SCGB2A2: variants seen among roughly 807,000 people sequenced by gnomAD.
The protein encoded by SCGB2A2 is mammaglobin-A.
Under a neutral mutation model 8.8 loss-of-function variants are expected in SCGB2A2, and 11 were observed. The ratio of observed to expected loss-of-function variants is 1.25; its 90% CI spans 0.79 to 2.07. The LOEUF is 2.07. Among genes scored for constraint, SCGB2A2 ranks in the 30% most tolerant of loss-of-function variants. SCGB2A2 has a pLI of 0.00. For synonymous variants in SCGB2A2, 42 were observed against 40.9 expected (o/e 1.03, Z -0.10); for missense variants, 113 against 109.9 (o/e 1.03, Z -0.13).
chr11:62,271,245 T>A, intron 2 of SCGB2A2, 177 bp downstream of exon 2: 2 of 1,494,264 alleles, frequency 1.3e-6, no homozygotes, highest in South Asian at 1.3e-5. Flanking sequence ...CCAGTGTCCC[T>A]GTGTTGTCAC....
chr11:62,270,572 AAAG>A (rs1444429277), intron 1 of SCGB2A2, among the ~76,000 whole-genome samples: 2 of 152,226 alleles, frequency 1.3e-5, no homozygotes, highest in Non-Finnish European at 2.9e-5. Context: ...ATTTTGAACC[AAAG>A]AAGACCAAAT....
At chr11:62,271,688 A>T (rs1003501337) in intron 2 of SCGB2A2, 2 of 987,016 alleles carry the variant, frequency 2.0e-6, no homozygotes, top group Non-Finnish European at 2.4e-6. Flanking sequence ...CTATAGACCA[A>T]TCTGCAGAGA....
Position 62,270,286 on chromosome 11 carries a change from G to C in SCGB2A2, c.55+15G>C. 1.2e-6 allele frequency: 2 copies of C among 1,612,834 alleles called. No individual in the cohort carries two copies. The highest frequency in any genetic ancestry group is 1.7e-6 in the Non-Finnish European group (2 of 1,179,154). On this transcript the variant is annotated intron_variant, in intron 1 of 2. Transcript: ENST00000227918. ...CTGCTACGCAGGTGAGTTCTGTGCA[G>C]GGAGGGCTGCCTCGGGGTTAGGGGT...
chr11:62,271,869 T>C (rs1945281703), intron 2 of SCGB2A2: 1 of 985,288 alleles, frequency 1.0e-6, no homozygotes, highest in Non-Finnish European at 1.2e-6. Flanking sequence ...TGAGAAACCT[T>C]GGACTATCCA....
intron 2 of SCGB2A2, chr11:62,271,321 A>G (rs1945277687): frequency 6.9e-7 from 1 of 1,443,156 alleles, no homozygotes; most frequent in Non-Finnish European, 9.0e-7. Context: ...AAAGGTCGGT[A>G]GAAGTCTTAC....
Position 62,272,350 on chromosome 11 carries a change from A to G in SCGB2A2, c.244-607A>G, listed in dbSNP as rs185334095. Among the ~76,000 whole-genome samples the G allele has an allele frequency of 2.2e-4, 33 of 152,276 alleles. 1 individual carries two copies. The highest frequency in any genetic ancestry group is 9.8e-4 in the Admixed American group (15 of 15,284). On this transcript the variant is annotated intron_variant, in intron 2 of 2. Transcript: ENST00000227918. ...TGGAGTTTCAGTTGTGCAAAACAGT[A>G]ATATTCTGGAGTTAGGTTGCACAAC...
chr11:62,272,399 G>A (rs562302099), intron 2 of SCGB2A2, among the ~76,000 whole-genome samples: 171 of 152,244 alleles, frequency 1.1e-3, no homozygotes, highest in African/African-American at 3.6e-3. Context: ...AGAACACTCC[G>A]AACTGTCCCC....
chr11:62,273,003 C>G lies in SCGB2A2; in HGVS notation c.*8C>G. ...CTTTGTGATTTATTTTAACTTTCTG[C>G]AAGACCTTTGGCTCACAGAACTGCA... is the stretch of plus-strand genomic sequence containing the variant. On this transcript the variant is annotated 3_prime_UTR_variant, in exon 3 of 3. Coordinates refer to ENST00000227918, the MANE Select transcript of SCGB2A2 (RefSeq NM_002411.4). The G allele has an allele frequency of 1.2e-6, 2 of 1,605,376 alleles. No homozygotes were observed. Among genetic ancestry groups the G allele is most frequent in the Non-Finnish European group, 1.7e-6 (2 of 1,175,496 alleles).
At chr11:62,271,149 C>T in intron 2 of SCGB2A2, 81 bp downstream of exon 2, 1 of 1,609,366 alleles carries the variant, frequency 6.2e-7, no homozygotes, top group Non-Finnish European at 8.5e-7. Context: ...CTGACAATGC[C>T]AAAGCCACTA....
Position 62,273,045 on chromosome 11 carries a change from C to T in SCGB2A2, c.*50C>T. ...AGAACTGCAGGGTATGGTGAGAAAC[C>T]AACTACGGATTGCTGCAAACCACAC... On this transcript the variant is annotated 3_prime_UTR_variant, in exon 3 of 3. Transcript: ENST00000227918. The T allele has an allele frequency of 7.2e-7, 1 of 1,396,768 alleles. No individual in the cohort carries two copies. The highest frequency in any genetic ancestry group is 1.3e-5 in the South Asian group (1 of 78,432). The allele number at this position is 1,396,768 out of a possible 1,614,324, so 86.5% of individuals were successfully genotyped here.
chr11:62,271,544 GAC>G (rs1211087408), intron 2 of SCGB2A2: 4 of 1,112,330 alleles, frequency 3.6e-6, no homozygotes, highest in Non-Finnish European at 3.3e-6. Context: ...CAATCATCCA[GAC>G]ACAAACACAA....
Position 62,273,052 on chromosome 11 carries a change from G to A in SCGB2A2, c.*57G>A, listed in dbSNP as rs757197194. Reference sequence around the variant, plus strand: ...CAGGGTATGGTGAGAAACCAACTACGGATTGCTGCAAACCACACCTTCTCT... The same window carrying A: ...CAGGGTATGGTGAGAAACCAACTACAGATTGCTGCAAACCACACCTTCTCT... On this transcript the variant is annotated 3_prime_UTR_variant, in exon 3 of 3. Coordinates refer to ENST00000227918, the MANE Select transcript of SCGB2A2 (RefSeq NM_002411.4). 1.6e-5 allele frequency: 21 copies of A among 1,297,684 alleles called. No homozygotes were observed. The highest frequency in any genetic ancestry group is 3.9e-5 in the Admixed American group (2 of 51,004). 80.4% of individuals were successfully genotyped at this position (1,297,684 alleles called of 1,614,324 possible). A position where few individuals can be genotyped will look rare whatever the true frequency, so the allele number is the denominator to read the frequency against.
chr11:62,273,001 T>G lies in SCGB2A2; in HGVS notation c.*6T>G, dbSNP rs1413616354. The G allele has an allele frequency of 1.0e-5, 16 of 1,606,696 alleles. No homozygotes were observed. Among genetic ancestry groups the G allele is most frequent in the Non-Finnish European group, 1.3e-5 (15 of 1,176,476 alleles). On this transcript the variant is annotated 3_prime_UTR_variant, in exon 3 of 3. Coordinates refer to ENST00000227918, the MANE Select transcript of SCGB2A2 (RefSeq NM_002411.4). ...GTCTTTGTGATTTATTTTAACTTTC[T>G]GCAAGACCTTTGGCTCACAGAACTG...
intron 2 of SCGB2A2, chr11:62,272,052 A>AAAAAAAAAG: frequency 1.3e-6 from 1 of 795,674 alleles, no homozygotes; most frequent in Non-Finnish European, 1.5e-6. Flanking sequence ...TAAAAAAAAA[A>AAAAAAAAAG]AAAAAAAAAA....
chr11:62,271,974 T>C, intron 2 of SCGB2A2: 1 of 908,422 alleles, frequency 1.1e-6, no homozygotes, highest in Non-Finnish European at 1.3e-6. Context: ...TAACTATACA[T>C]GTATATTGTT....
chr11:62,271,270 C>A, intron 2 of SCGB2A2: 1 of 1,464,636 alleles, frequency 6.8e-7, no homozygotes, highest in Non-Finnish European at 8.9e-7. Context: ...CCCAGAGAAT[C>A]CTCAGTGGAT....
chr11:62,270,827 C>A, intron 1 of SCGB2A2, 54 bp from the exon 2 acceptor site: 1 of 1,426,860 alleles, frequency 7.0e-7, no homozygotes, highest in Non-Finnish European at 9.8e-7. Flanking sequence ...TAGGTCTGCC[C>A]CAAGCCTTTC....
chr11:62,270,965 A>G lies in SCGB2A2; in HGVS notation c.140A>G (p.Gln47Arg). 6.2e-7 allele frequency: 1 copy of G among 1,614,182 alleles called. No individual in the cohort carries two copies. The highest frequency in any genetic ancestry group is 1.1e-5 in the South Asian group (1 of 91,086). ...VSKTEYKELL[Q>R]EFIDDNATTN... ...AAGACTGAATACAAAGAACTTCTTCAAGAGTTCATAGACGACAATGCCACT... is the reference window on the plus strand; with the variant it reads ...AAGACTGAATACAAAGAACTTCTTCGAGAGTTCATAGACGACAATGCCACT... The change falls in exon 2 of 3, where the codon CAA becomes CGA. Residue 47 changes from glutamine to arginine, a missense_variant. Gln to Arg is a conservative substitution (Grantham distance 43). Coordinates refer to ENST00000227918, the MANE Select transcript of SCGB2A2 (RefSeq NM_002411.4).
intron 2 of SCGB2A2, 60 bp from the exon 3 acceptor site, chr11:62,272,897 G>C (rs1945291245): frequency 7.7e-7 from 1 of 1,298,646 alleles, no homozygotes; most frequent in Non-Finnish European, 1.1e-6. Flanking sequence ...TGTTTTTCAA[G>C]ATTTTATTTT....
Sources: allele counts gnomAD v4.1 joint callset (sites outside exome capture counted in the v4.1 genomes callset), GRCh38; gene constraint gnomAD v4.1.1; transcripts MANE v1.5; gene names NCBI Gene and HGNC (gene_info 2026-07-23, HGNC 2026-07-21).